SOX5: variants seen among roughly 807,000 people sequenced by gnomAD.
SOX5 encodes SRY-box transcription factor 5.
Under a neutral mutation model 92.0 loss-of-function variants are expected in SOX5, and 9 were observed. The ratio of observed to expected loss-of-function variants is 0.10; its 90% CI spans 0.06 to 0.17. The LOEUF (loss-of-function observed/expected upper bound fraction) is 0.17, where lower values mean the gene tolerates loss of function less well. Among genes scored for constraint, SOX5 ranks in the 10% least tolerant of loss-of-function variants. The pLI, the probability that SOX5 is intolerant of heterozygous loss-of-function variation, is 1.00. For synonymous variants in SOX5, 344 were observed against 336.3 expected (o/e 1.02, Z -0.25); for missense variants, 642 against 944.5 (o/e 0.68, Z 4.20).
chr12:24,411,188 T>C (rs1964007020), intron 1 of SOX5, among the ~76,000 whole-genome samples: 1 of 152,152 alleles, frequency 6.6e-6, no homozygotes, highest in Non-Finnish European at 1.5e-5. Flanking sequence ...TTTTGGGAGT[T>C]AGTTTTTCTT....
intron 4 of SOX5, among the ~76,000 whole-genome samples, chr12:24,001,107 T>C (rs192409913): frequency 4.4e-4 from 67 of 152,266 alleles, no homozygotes; most frequent in Admixed American, 7.2e-4. Flanking sequence ...TTTAAAAAAA[T>C]TGAGACAGGG....
intron 3 of SOX5, among the ~76,000 whole-genome samples, chr12:23,834,599 G>A (rs1259895381): frequency 3.9e-5 from 6 of 151,914 alleles, no homozygotes; most frequent in African/African-American, 1.4e-4. Context: ...CACTGAAGCA[G>A]TAGAAACATT....
intron 2 of SOX5, among the ~76,000 whole-genome samples, chr12:23,862,496 G>A (rs1047541761): frequency 2.0e-5 from 3 of 152,136 alleles, no homozygotes; most frequent in Non-Finnish European, 1.5e-5. Context: ...TCTGGCCAAC[G>A]AAGACTGGCT....
chr12:24,526,059 C>T (rs2955484), intron 1 of SOX5, among the ~76,000 whole-genome samples: 1 of 151,880 alleles, frequency 6.6e-6, no homozygotes, highest in Non-Finnish European at 1.5e-5. Context: ...TCTGTAGAGA[C>T]AGGATTTTGC....
chr12:23,664,322 C>CATATATATATATATAT (rs34331621), intron 7 of SOX5, among the ~76,000 whole-genome samples: 86 of 150,084 alleles, frequency 5.7e-4, no homozygotes, highest in African/African-American at 2.1e-3. Flanking sequence ...AATTCATTAA[C>CATATATATATATATAT]ATATATATAT....
chr12:23,775,453 T>C (rs984531891), intron 3 of SOX5, among the ~76,000 whole-genome samples: 5 of 152,180 alleles, frequency 3.3e-5, no homozygotes, highest in Non-Finnish European at 5.9e-5. Flanking sequence ...GTAACAGTAC[T>C]GACCCACCAA....
intron 4 of SOX5, among the ~76,000 whole-genome samples, chr12:24,022,045 C>T (rs1035459064): frequency 3.9e-5 from 6 of 152,098 alleles, no homozygotes; most frequent in Admixed American, 3.3e-4. Context: ...CTATGCTAGG[C>T]ACTGGAGATA....
At chr12:24,468,316 T>C (rs558837638) in intron 1 of SOX5, among the ~76,000 whole-genome samples, 25 of 152,374 alleles carry the variant, frequency 1.6e-4, no homozygotes, top group South Asian at 1.0e-3. Context: ...TCTGCTTCCT[T>C]ATCTGTAAAA....
intron 3 of SOX5, among the ~76,000 whole-genome samples, chr12:24,263,020 G>A (rs1002609910): frequency 6.6e-6 from 1 of 151,896 alleles, no homozygotes; most frequent in South Asian, 2.1e-4. Flanking sequence ...TCAGGAGTTC[G>A]AGGCCAGACT....
chr12:23,971,443 C>A (rs1260356422), intron 4 of SOX5, among the ~76,000 whole-genome samples: 2 of 151,320 alleles, frequency 1.3e-5, no homozygotes, highest in Non-Finnish European at 2.9e-5. Context: ...CATTTTTATT[C>A]AACTCCCATA....
intron 4 of SOX5, among the ~76,000 whole-genome samples, chr12:23,743,836 G>A (rs946549873): frequency 6.6e-6 from 1 of 152,078 alleles, no homozygotes; most frequent in African/African-American, 2.4e-5. Context: ...GCATATAAGT[G>A]GACCTGTGGC....
At chr12:23,814,838 A>T (rs1038291290) in intron 3 of SOX5, among the ~76,000 whole-genome samples, 1 of 152,224 alleles carries the variant, frequency 6.6e-6, no homozygotes, top group African/African-American at 2.4e-5. Context: ...TAAAATACTT[A>T]AAAAATTCTA....
chr12:23,817,553 A>T (rs551996100), intron 3 of SOX5, among the ~76,000 whole-genome samples: 1 of 152,364 alleles, frequency 6.6e-6, no homozygotes, highest in South Asian at 2.1e-4. Flanking sequence ...GTTGCGTCAT[A>T]GAGAGATAGA....
chr12:24,009,932 C>A (rs1670711451), intron 4 of SOX5, among the ~76,000 whole-genome samples: 1 of 152,104 alleles, frequency 6.6e-6, no homozygotes, highest in African/African-American at 2.4e-5. Context: ...AGATTTCTTG[C>A]TGGAATTATA....
chr12:23,995,451 C>A (rs1498865), intron 4 of SOX5, among the ~76,000 whole-genome samples: 2,491 of 152,226 alleles, frequency 0.016, 69 homozygotes, highest in African/African-American at 0.056. Flanking sequence ...TCCCAGCACT[C>A]TGGGAGGCCA....
At chr12:24,018,809 A>C (rs964590158) in intron 4 of SOX5, among the ~76,000 whole-genome samples, 1 of 152,116 alleles carries the variant, frequency 6.6e-6, no homozygotes, top group African/African-American at 2.4e-5. Context: ...AAAAAAAATA[A>C]ATAAATAAAA....
At chr12:23,632,438 T>C (rs1424525818) in intron 8 of SOX5, among the ~76,000 whole-genome samples, 2 of 152,162 alleles carry the variant, frequency 1.3e-5, no homozygotes, top group Admixed American at 1.3e-4. Context: ...TTGTAAGTAA[T>C]TCCTTCAATA....
At chr12:23,902,799 T>C (rs1408981306) in intron 1 of SOX5, among the ~76,000 whole-genome samples, 1 of 152,178 alleles carries the variant, frequency 6.6e-6, no homozygotes, top group East Asian at 1.9e-4. Context: ...CCTTTGCAAA[T>C]TGCTCTGCAT....
chr12:23,861,249 A>G lies in SOX5; in HGVS notation c.271-15056T>C, dbSNP rs1051142248. 1.1e-3 allele frequency among the ~76,000 whole-genome samples: 174 copies of G among 152,224 alleles called. 1 individual carries two copies. Among genetic ancestry groups the G allele is most frequent in the African/African-American group, 4.0e-3 (168 of 41,558 alleles). ...TGCCTCTAAAATCCCTGCCACATAA[A>G]TGTTAGAATAAAGGGAGAAAATGAA... On this transcript the variant is annotated intron_variant, in intron 2 of 14. Coordinates refer to ENST00000451604, the MANE Select transcript of SOX5 (RefSeq NM_006940.6).
Sources: gnomAD v4.1 joint callset for allele counts (sites outside exome capture counted in the v4.1 genomes callset) on GRCh38, gnomAD v4.1.1 for gene constraint, MANE v1.5 for transcripts, NCBI Gene and HGNC (gene_info 2026-07-23, HGNC 2026-07-21) for gene names.